LDB2: variants seen among roughly 807,000 people sequenced by gnomAD.
LDB2 encodes LIM domain-binding protein 2.
In LDB2, 12 loss-of-function variants were observed where a neutral mutation model predicts 44.3. The observed-to-expected ratio is 0.27, with a 90% CI of 0.17 to 0.44. The LOEUF (loss-of-function observed/expected upper bound fraction) is 0.44. Among genes scored for constraint, LDB2 ranks in the 20% least tolerant of loss-of-function variants. LDB2 has a pLI of 1.00. For missense variants in LDB2, 344 were observed against 473.5 expected, an observed-to-expected ratio of 0.73 and a Z score of 2.54; for synonymous variants, 164 against 174.8, an observed-to-expected ratio of 0.94 and a Z score of 0.49.
chr4:16,727,384 ATGCAGGTCTAGGT>A (rs1368416616), intron 2 of LDB2, among the ~76,000 whole-genome samples: 1 of 152,244 alleles, frequency 6.6e-6, no homozygotes, highest in East Asian at 1.9e-4. Flanking sequence ...TCAAGCCCAC[ATGCAGGTCTAGGT>A]GCACTCTGCA....
At chr4:16,575,371 C>T in intron 5 of LDB2, among the ~76,000 whole-genome samples, 1 of 151,886 alleles carries the variant, frequency 6.6e-6, no homozygotes, top group East Asian at 1.9e-4. Context: ...AAAATAACAC[C>T]CCACTTTCAG....
intron 1 of LDB2, among the ~76,000 whole-genome samples, chr4:16,800,557 C>T (rs1401552386): frequency 1.4e-5 from 2 of 138,622 alleles, no homozygotes; most frequent in African/African-American, 2.5e-5. Flanking sequence ...TTTTTCTCTG[C>T]ACAGTGACCC....
At chr4:16,668,606 A>G (rs1029632176) in intron 2 of LDB2, among the ~76,000 whole-genome samples, 1 of 152,188 alleles carries the variant, frequency 6.6e-6, no homozygotes, top group African/African-American at 2.4e-5. Context: ...GAAGAATAAA[A>G]GCTATATTAT....
chr4:16,679,503 C>T (rs1250587180), intron 2 of LDB2, among the ~76,000 whole-genome samples: 1 of 152,178 alleles, frequency 6.6e-6, no homozygotes, highest in Middle Eastern at 3.2e-3. Flanking sequence ...GTGGGTACTA[C>T]TGTTGTTACT....
At chr4:16,733,864 C>G (rs1761284213) in intron 2 of LDB2, among the ~76,000 whole-genome samples, 1 of 152,158 alleles carries the variant, frequency 6.6e-6, no homozygotes, top group Non-Finnish European at 1.5e-5. Context: ...ACTTTTCACA[C>G]TATCATCACA....
intron 1 of LDB2, among the ~76,000 whole-genome samples, chr4:16,839,754 T>C (rs1258859714): frequency 6.6e-6 from 1 of 152,204 alleles, no homozygotes; most frequent in Admixed American, 6.5e-5. Flanking sequence ...TATTTAGAGA[T>C]ACCAACATGT....
chr4:16,783,229 C>T (rs965296063), intron 1 of LDB2, among the ~76,000 whole-genome samples: 2 of 152,224 alleles, frequency 1.3e-5, no homozygotes, highest in South Asian at 4.1e-4. Flanking sequence ...GCTTCATTGT[C>T]TGAGGCCGGA....
chr4:16,821,388 T>TTTTTTTTTTTTTTTA (rs1781965275), intron 1 of LDB2, among the ~76,000 whole-genome samples: 1 of 76,032 alleles, frequency 1.3e-5, no homozygotes. Context: ...TTTTTTTTTA[T>TTTTTTTTTTTTTTTA]TTTTTTTTTT....
At chr4:16,735,213 C>A (rs1761642241) in intron 2 of LDB2, among the ~76,000 whole-genome samples, 2 of 152,146 alleles carry the variant, frequency 1.3e-5, no homozygotes, top group Admixed American at 1.3e-4. Flanking sequence ...CTCCCCAATG[C>A]TGCCCGCAGT....
At chr4:16,822,889 G>C in intron 1 of LDB2, among the ~76,000 whole-genome samples, 1 of 152,160 alleles carries the variant, frequency 6.6e-6, no homozygotes, top group East Asian at 1.9e-4. Flanking sequence ...CATATTCCAT[G>C]TCTATTAGTA....
intron 5 of LDB2, 115 bp from the exon 6 acceptor site, chr4:16,512,219 T>A (rs1722014980): frequency 1.9e-6 from 2 of 1,035,962 alleles, no homozygotes; most frequent in East Asian, 2.7e-5. Context: ...ATTTTCCTGG[T>A]TTTGATTTTC....
At chr4:16,511,932 GAC>G (rs779242862) in intron 6 of LDB2, 47 bp downstream of exon 6, 46 of 1,568,118 alleles carry the variant, frequency 2.9e-5, no homozygotes, top group Non-Finnish European at 3.9e-5. Context: ...ATCCCTGGAA[GAC>G]ACCTCTGAAA....
intron 1 of LDB2, among the ~76,000 whole-genome samples, chr4:16,831,579 T>C (rs746660031): frequency 6.6e-6 from 1 of 152,150 alleles, no homozygotes. Context: ...AGATTCAGGA[T>C]GTCCAAGGAG....
At chr4:16,792,992 G>A (rs1298225863) in intron 1 of LDB2, among the ~76,000 whole-genome samples, 6 of 152,184 alleles carry the variant, frequency 3.9e-5, no homozygotes, top group Admixed American at 2.0e-4. Flanking sequence ...AAGAAAAGGA[G>A]CAGGGCCCCA....
chr4:16,784,957 C>T (rs1475423945), intron 1 of LDB2, among the ~76,000 whole-genome samples: 1 of 152,090 alleles, frequency 6.6e-6, no homozygotes, highest in Non-Finnish European at 1.5e-5. Flanking sequence ...CATTCTCCCA[C>T]AGCACCTAGA....
At chr4:16,517,791 T>G (rs557057648) in intron 5 of LDB2, among the ~76,000 whole-genome samples, 2 of 152,224 alleles carry the variant, frequency 1.3e-5, no homozygotes, top group Non-Finnish European at 1.5e-5. Context: ...TCTCCTATGC[T>G]TCTGACCTCT....
At position 16,764,423 on chromosome 4, in the gene LDB2, G is replaced by C. The variant is rs557091045; in HGVS notation, c.133-5163C>G. ...TGGCTGAAATACAGCTAAGACCTCT[G>C]CTGAGCCAAATAGAAGTCTCTGGCA... On this transcript the variant is annotated intron_variant, in intron 1 of 7. Coordinates refer to ENST00000304523, the MANE Select transcript of LDB2 (RefSeq NM_001290.5). 2.0e-5 allele frequency among the ~76,000 whole-genome samples: 3 copies of C among 152,018 alleles called. No individual in the cohort carries two copies. In the South Asian group the frequency reaches 6.2e-4, roughly 32 times the overall value.
intron 1 of LDB2, among the ~76,000 whole-genome samples, chr4:16,762,786 A>G (rs1225800730): frequency 6.6e-6 from 1 of 152,156 alleles, no homozygotes; most frequent in Non-Finnish European, 1.5e-5. Flanking sequence ...AAAATGAACC[A>G]GTGAAAGGCA....
At chr4:16,745,278 T>C (rs1340589410) in intron 2 of LDB2, among the ~76,000 whole-genome samples, 2 of 152,154 alleles carry the variant, frequency 1.3e-5, no homozygotes, top group African/African-American at 4.8e-5. Context: ...TCAGTTCCTG[T>C]TGGTCCAAAT....
Sources: gnomAD v4.1 joint callset for allele counts (sites outside exome capture counted in the v4.1 genomes callset) on GRCh38, gnomAD v4.1.1 for gene constraint, MANE v1.5 for transcripts, NCBI Gene and HGNC (gene_info 2026-07-23, HGNC 2026-07-21) for gene names.